The following C9orf85 variants were observed in gnomAD, a reference collection of about 807,000 sequenced individuals.
C9orf85 encodes the protein uncharacterized protein C9orf85.
A neutral mutation model predicts 14.9 loss-of-function variants in C9orf85; 16 were observed. The observed-to-expected ratio is 1.08, with a 90% CI of 0.73 to 1.63. The LOEUF is 1.63. Among genes scored for constraint, C9orf85 ranks in the 40% most tolerant of loss-of-function variants. C9orf85 has a pLI of 0.00. For synonymous variants in C9orf85, 45 were observed against 56.8 expected (o/e 0.79, Z 0.93); for missense variants, 172 against 186.1 (o/e 0.92, Z 0.44).
At chr9:71,963,472 T>C (rs1330832826) in intron 2 of C9orf85, among the ~76,000 whole-genome samples, 1 of 152,126 alleles carries the variant, frequency 6.6e-6, no homozygotes, top group Non-Finnish European at 1.5e-5. Context: ...ACCGCTGCAT[T>C]GTGGTAGCCC....
chr9:71,938,819 A>G (rs984998417), intron 1 of C9orf85, among the ~76,000 whole-genome samples: 5 of 151,720 alleles, frequency 3.3e-5, no homozygotes, highest in African/African-American at 1.2e-4. Flanking sequence ...TAAAATATAT[A>G]TATTCAGAAA....
chr9:71,965,420 G>T lies in C9orf85; in HGVS notation c.210-6085G>T, dbSNP rs550383856. Reference sequence around the variant, plus strand: ...TTAGTCAGCCTAGGAAATTCAGCTAGTCCTGTCAGTATGACAAGGACATGT... The same window carrying T: ...TTAGTCAGCCTAGGAAATTCAGCTATTCCTGTCAGTATGACAAGGACATGT... On this transcript the variant is annotated intron_variant, in intron 2 of 3. Transcript: ENST00000334731. Among the ~76,000 whole-genome samples, 38 of 1,876 alleles carry T rather than the reference G, an allele frequency of 0.02. 1 individual carries two copies. In the East Asian group the frequency reaches 0.45, roughly 22 times the overall value. 1.2% of individuals were successfully genotyped at this position (1,876 alleles called of 152,430 possible). A position where few individuals can be genotyped will look rare whatever the true frequency, so the allele number is the denominator to read the frequency against.
At position 71,947,936 on chromosome 9, in the gene C9orf85, G is replaced by A. The variant is rs371941244; in HGVS notation, c.209+824G>A. Among the ~76,000 whole-genome samples, 135 of 152,288 alleles carry A rather than the reference G, an allele frequency of 8.9e-4. 1 individual carries two copies. Among genetic ancestry groups the A allele is most frequent in the African/African-American group, 2.7e-3 (113 of 41,568 alleles). ...GCTGGGATTACAGGCATGAACCACCGCGCCCAGACTTAACTCTTGTGTAAT... is the reference window on the plus strand; with the variant it reads ...GCTGGGATTACAGGCATGAACCACCACGCCCAGACTTAACTCTTGTGTAAT... On this transcript the variant is annotated intron_variant, in intron 2 of 3. Transcript: ENST00000334731.
chr9:71,968,760 C>A (rs1409727872), intron 2 of C9orf85, among the ~76,000 whole-genome samples: 1 of 152,170 alleles, frequency 6.6e-6, no homozygotes, highest in African/African-American at 2.4e-5. Flanking sequence ...GGCAAGAGTA[C>A]ACCTGAACAA....
At chr9:71,925,859 C>A (rs1306284480) in intron 1 of C9orf85, among the ~76,000 whole-genome samples, 1 of 152,134 alleles carries the variant, frequency 6.6e-6, no homozygotes, top group East Asian at 1.9e-4. Flanking sequence ...TAGATTTATA[C>A]AACTAAACAG....
intron 2 of C9orf85, among the ~76,000 whole-genome samples, chr9:71,971,066 T>C (rs562124422): frequency 6.6e-6 from 1 of 152,288 alleles, no homozygotes; most frequent in East Asian, 1.9e-4. Context: ...CAATATTAAG[T>C]CTTTTCATAT....
At chr9:71,934,194 A>G (rs1828135600) in intron 1 of C9orf85, among the ~76,000 whole-genome samples, 1 of 17,120 alleles carries the variant, frequency 5.8e-5, no homozygotes, top group African/African-American at 6.7e-5. Context: ...AAATACAAAA[A>G]TTAGACAGGT....
chr9:71,952,388 G>A lies in C9orf85; in HGVS notation c.209+5276G>A, dbSNP rs144349398. Among the ~76,000 whole-genome samples, 385 of 151,746 alleles carry A rather than the reference G, an allele frequency of 2.5e-3. 1 individual carries two copies. Among genetic ancestry groups the A allele is most frequent in the African/African-American group, 8.9e-3 (367 of 41,306 alleles). On this transcript the variant is annotated intron_variant, in intron 2 of 3. Transcript: ENST00000334731. ...ATTTATTCATTCTATTTTTTGAGAC[G>A]GAGTCTCGCTCTGTCGCCCAGGCTG...
At chr9:71,949,963 T>G (rs1822203714) in intron 2 of C9orf85, among the ~76,000 whole-genome samples, 1 of 152,136 alleles carries the variant, frequency 6.6e-6, no homozygotes, top group African/African-American at 2.4e-5. Flanking sequence ...TTGTCACATT[T>G]CTTCAGCTCA....
intron 2 of C9orf85, among the ~76,000 whole-genome samples, chr9:71,956,817 AGAAG>A (rs958092279): frequency 1.3e-5 from 2 of 152,190 alleles, no homozygotes; most frequent in African/African-American, 4.8e-5. Flanking sequence ...TCATAGCCAG[AGAAG>A]AGTCTTTGAC....
chr9:71,958,550 C>A (rs1262210017), intron 2 of C9orf85, among the ~76,000 whole-genome samples: 1 of 152,090 alleles, frequency 6.6e-6, no homozygotes, highest in Admixed American at 6.6e-5. Context: ...ACGTGAGCTA[C>A]CGCGCCCGGC....
At chr9:71,936,449 G>T (rs1391324927) in intron 1 of C9orf85, among the ~76,000 whole-genome samples, 1 of 81,514 alleles carries the variant, frequency 1.2e-5, no homozygotes, top group Non-Finnish European at 2.7e-5. Flanking sequence ...TACCCTACTT[G>T]TAGAGAGTCT....
At chr9:71,965,504 T>C (rs1822666254) in intron 2 of C9orf85, among the ~76,000 whole-genome samples, 1 of 152,180 alleles carries the variant, frequency 6.6e-6, no homozygotes. Flanking sequence ...TTTCCTACTA[T>C]TTTATTGCCA....
In C9orf85 at chr9:71,971,830, C is replaced by T. The variant is rs528243134; in HGVS notation, c.323+212C>T. On this transcript the variant is annotated intron_variant, in intron 3 of 3. Transcript: ENST00000334731. The stretch of plus-strand genomic sequence containing the variant: ...CTACTAAAAATACAAAAAAATTAGC[C>T]GGGCACAGTGGCAGGCGCCTGTAAT... Among the ~76,000 whole-genome samples, 3 of 151,906 alleles carry T rather than the reference C, an allele frequency of 2.0e-5. No homozygotes were observed. In the South Asian group the frequency reaches 6.3e-4, roughly 32 times the overall value.
chr9:71,979,047 G>T (rs200212254), intron 3 of C9orf85, among the ~76,000 whole-genome samples: 1 of 96,656 alleles, frequency 1.0e-5, no homozygotes, highest in African/African-American at 3.1e-5. Context: ...AAAAAAAAAT[G>T]TTTTTTTGCT....
In C9orf85 at chr9:71,981,079, G is replaced by A. The variant is rs369829605; in HGVS notation, c.324-1578G>A. ...TATCCAACAGAAAATGAAAATCCCA[G>A]AGGAAGCAAGCCACAGTGAGGGGCC... On this transcript the variant is annotated intron_variant, in intron 3 of 3. Transcript: ENST00000377031. Among the ~76,000 whole-genome samples, 16 of 152,332 alleles carry A rather than the reference G, an allele frequency of 1.1e-4. 1 individual carries two copies. Among genetic ancestry groups the A allele is most frequent in the Admixed American group, 5.2e-4 (8 of 15,306 alleles).
chr9:71,961,871 A>G (rs1322373491), intron 2 of C9orf85, among the ~76,000 whole-genome samples: 1 of 152,166 alleles, frequency 6.6e-6, no homozygotes. Context: ...ACTTGGTCAG[A>G]GGTAAATATT....
At chr9:71,939,260 C>A (rs1828273319) in intron 1 of C9orf85, among the ~76,000 whole-genome samples, 1 of 151,684 alleles carries the variant, frequency 6.6e-6, no homozygotes, top group Non-Finnish European at 1.5e-5. Flanking sequence ...TGACTTTCTT[C>A]TCTTGTGCTC....
At chr9:71,912,101 G>A (rs897692769) in intron 1 of C9orf85, 6 of 467,306 alleles carry the variant, frequency 1.3e-5, no homozygotes, top group Non-Finnish European at 2.0e-5. Context: ...CTAAGGTGCA[G>A]ATGGGGCAGT....
Sources: allele counts gnomAD v4.1 joint callset (sites outside exome capture counted in the v4.1 genomes callset), GRCh38; gene constraint gnomAD v4.1.1; transcripts MANE v1.5; gene names NCBI Gene and HGNC (gene_info 2026-07-23, HGNC 2026-07-21).